The following DAB1 variants were observed in gnomAD, a reference collection of about 807,000 sequenced individuals.
The protein encoded by DAB1 is DAB adaptor protein 1.
In DAB1, 15 loss-of-function variants were observed where a neutral mutation model predicts 64.6. That is an observed-to-expected ratio of 0.23 (90% CI 0.16 to 0.36). The LOEUF (loss-of-function observed/expected upper bound fraction) is 0.36. Among genes scored for constraint, DAB1 ranks in the 10% least tolerant of loss-of-function variants. The pLI is 1.00. For missense variants in DAB1, 596 were observed against 706.7 expected, an observed-to-expected ratio of 0.84 and a Z score of 1.78; for synonymous variants, 235 against 251.9, an observed-to-expected ratio of 0.93 and a Z score of 0.64.
At chr1:57,214,909 T>TGAAA (rs1179286538) in intron 2 of DAB1, among the ~76,000 whole-genome samples, 1 of 13,894 alleles carries the variant, frequency 7.2e-5, no homozygotes, top group African/African-American at 8.2e-4. Flanking sequence ...AGATTCCCTC[T>TGAAA]CAAAAAAAAA....
At chr1:58,221,678 A>G (rs762397633) in intron 4 of DAB1, among the ~76,000 whole-genome samples, 20 of 152,196 alleles carry the variant, frequency 1.3e-4, no homozygotes, top group Non-Finnish European at 1.9e-4. Flanking sequence ...GACTTCACAG[A>G]GTTCCCCGAA....
intron 4 of DAB1, among the ~76,000 whole-genome samples, chr1:58,215,419 A>C (rs1658799215): frequency 7.3e-6 from 1 of 137,114 alleles, no homozygotes; most frequent in African/African-American, 2.8e-5. Flanking sequence ...TTTTTTTTTT[A>C]CCGTATTAAT....
At chr1:57,971,545 T>G (rs533769883) in intron 5 of DAB1, among the ~76,000 whole-genome samples, 4 of 152,338 alleles carry the variant, frequency 2.6e-5, no homozygotes, top group African/African-American at 4.8e-5. Context: ...TGTTAAACTC[T>G]TTGAGTCTCA....
intron 6 of DAB1, among the ~76,000 whole-genome samples, chr1:57,698,996 G>A (rs959043988): frequency 6.6e-6 from 1 of 152,136 alleles, no homozygotes; most frequent in Non-Finnish European, 1.5e-5. Flanking sequence ...AGAGTGCAAT[G>A]GCATGATCAT....
At chr1:57,959,316 G>A (rs1645462700) in intron 5 of DAB1, among the ~76,000 whole-genome samples, 1 of 152,136 alleles carries the variant, frequency 6.6e-6, no homozygotes, top group Admixed American at 6.5e-5. Context: ...TCTAACAAAT[G>A]GTAGCTGTGT....
At chr1:58,410,561 A>G (rs1361925112) in intron 3 of DAB1, among the ~76,000 whole-genome samples, 5 of 152,220 alleles carry the variant, frequency 3.3e-5, no homozygotes, top group African/African-American at 1.2e-4. Context: ...ATAGGCTGGA[A>G]ATAGGCTGAG....
chr1:58,098,825 A>C (rs751203567), intron 5 of DAB1, among the ~76,000 whole-genome samples: 1 of 152,104 alleles, frequency 6.6e-6, no homozygotes, highest in Admixed American at 6.5e-5. Flanking sequence ...CTGCACCAAC[A>C]TTTTCATGTC....
chr1:58,170,901 T>C (rs1052484186), intron 4 of DAB1, among the ~76,000 whole-genome samples: 2 of 152,068 alleles, frequency 1.3e-5, no homozygotes, highest in Non-Finnish European at 2.9e-5. Flanking sequence ...TGTTTAACCA[T>C]TGAGGGCCAG....
In DAB1 at chr1:57,062,916, C is replaced by T; in HGVS notation, c.691G>A (p.Val231Ile). Residue 231 changes from valine to isoleucine, a missense_variant, in exon 9 of 15, where the codon GTT becomes ATT. This residue lies in a region of DAB1 where 176 missense variants were observed against 266.7 expected (regional missense o/e 0.66). Transcript: ENST00000371236. The part of the protein sequence containing the change: ...QVPTSQKKEG[V>I]YDVPKSQPVS... ...GGTTGACTTTTTGGCACATCATAAA[C>T]ACCTTCCTTCTTTTGGCTGGTGGGA... 6.2e-7 allele frequency: 1 copy of T among 1,614,170 alleles called. No individual in the cohort carries two copies. Among genetic ancestry groups the T allele is most frequent in the Non-Finnish European group, 8.5e-7 (1 of 1,179,990 alleles).
intron 1 of DAB1, among the ~76,000 whole-genome samples, chr1:58,527,576 G>C (rs1489077243): frequency 6.6e-6 from 1 of 152,160 alleles, no homozygotes; most frequent in African/African-American, 2.4e-5. Flanking sequence ...TTGACAGTCT[G>C]TAGTATAAGG....
chr1:57,718,637 C>A (rs1647113667), intron 6 of DAB1, among the ~76,000 whole-genome samples: 1 of 152,054 alleles, frequency 6.6e-6, no homozygotes. Flanking sequence ...ATGTTCCAAT[C>A]AATAGTTACA....
chr1:57,093,973 G>T (rs562304963), intron 4 of DAB1, among the ~76,000 whole-genome samples: 2 of 152,060 alleles, frequency 1.3e-5, no homozygotes, highest in Non-Finnish European at 2.9e-5. Context: ...AGCCAGGTGT[G>T]GTGTGCACGC....
intron 5 of DAB1, among the ~76,000 whole-genome samples, chr1:58,068,540 C>A (rs1430812332): frequency 6.6e-6 from 1 of 151,756 alleles, no homozygotes; most frequent in Non-Finnish European, 1.5e-5. Context: ...CAGAGGCGGG[C>A]GGATCACGAG....
intron 4 of DAB1, among the ~76,000 whole-genome samples, chr1:58,198,370 T>A (rs183481387): frequency 4.6e-5 from 7 of 152,314 alleles, no homozygotes; most frequent in African/African-American, 1.7e-4. Flanking sequence ...CCTTTTTTCA[T>A]TCAAAAAGTG....
chr1:57,598,832 G>A (rs1291568711), intron 7 of DAB1, among the ~76,000 whole-genome samples: 2 of 152,110 alleles, frequency 1.3e-5, no homozygotes, highest in African/African-American at 4.8e-5. Context: ...TTACATCCAG[G>A]GGCTCAGCAG....
intron 2 of DAB1, among the ~76,000 whole-genome samples, chr1:57,201,922 T>C (rs1665135552): frequency 6.6e-6 from 1 of 152,274 alleles, no homozygotes; most frequent in East Asian, 1.9e-4. Context: ...TAAATTTCTA[T>C]AGCATCTTAC....
intron 3 of DAB1, among the ~76,000 whole-genome samples, chr1:58,361,348 C>T (rs1644162394): frequency 2.0e-5 from 3 of 152,232 alleles, no homozygotes; most frequent in African/African-American, 7.2e-5. Context: ...GCATTCTGCT[C>T]TTCTGCAGAT....
chr1:57,308,846 A>G (rs908870698), intron 1 of DAB1, among the ~76,000 whole-genome samples: 2 of 152,152 alleles, frequency 1.3e-5, no homozygotes, highest in Admixed American at 6.5e-5. Flanking sequence ...CAGTACTGGT[A>G]AATGGCTGTA....
At chr1:57,765,735 C>T (rs1649282498) in intron 6 of DAB1, among the ~76,000 whole-genome samples, 1 of 152,204 alleles carries the variant, frequency 6.6e-6, no homozygotes, top group Admixed American at 6.5e-5. Flanking sequence ...CTTCACTTGA[C>T]TTCCATGATG....
Sources: allele counts gnomAD v4.1 joint callset (sites outside exome capture counted in the v4.1 genomes callset), GRCh38; gene constraint gnomAD v4.1.1; regional missense constraint gnomAD v4.1.1; transcripts MANE v1.5; gene names NCBI Gene and HGNC (gene_info 2026-07-23, HGNC 2026-07-21).